The following DLC1 variants were observed in gnomAD, a reference collection of about 807,000 sequenced individuals.
The protein encoded by DLC1 is rho GTPase-activating protein 7.
Under a neutral mutation model 140.3 loss-of-function variants are expected in DLC1, and 54 were observed. The observed-to-expected ratio is 0.38, with a 90% CI of 0.31 to 0.48. The LOEUF is 0.48. Ranked by LOEUF, DLC1 falls within the 20% of genes least tolerant of loss-of-function variation. The pLI, the probability that DLC1 is intolerant of heterozygous loss-of-function variation, is 0.96. For synonymous variants in DLC1, 986 were observed against 728.1 expected (o/e 1.35, Z -5.70); for missense variants, 2,536 against 1,907.0 (o/e 1.33, Z -6.14).
chr8:13,554,782 T>A (rs1455778235), intron 1 of DLC1, among the ~76,000 whole-genome samples: 1 of 152,172 alleles, frequency 6.6e-6, no homozygotes, highest in Admixed American at 6.5e-5. Context: ...ACCTCCCCAC[T>A]CACAATCTGA....
At chr8:13,587,966 C>T (rs1416882632) in intron 1 of DLC1, among the ~76,000 whole-genome samples, 1 of 152,048 alleles carries the variant, frequency 6.6e-6, no homozygotes, top group Non-Finnish European at 1.5e-5. Context: ...TCTTGGATAA[C>T]ATCACTCCTA....
intron 4 of DLC1, among the ~76,000 whole-genome samples, chr8:13,334,905 T>C (rs934813994): frequency 4.6e-5 from 7 of 152,240 alleles, no homozygotes; most frequent in African/African-American, 1.7e-4. Context: ...AGCTCATTTA[T>C]GCCTCTTAAC....
intron 4 of DLC1, among the ~76,000 whole-genome samples, chr8:13,388,122 T>C (rs1721987519): frequency 6.6e-6 from 1 of 152,096 alleles, no homozygotes; most frequent in Admixed American, 6.6e-5. Context: ...TAAGAATTGT[T>C]TTTCCTAATC....
chr8:13,332,103 G>A (rs1404836842), intron 4 of DLC1, among the ~76,000 whole-genome samples: 1 of 152,110 alleles, frequency 6.6e-6, no homozygotes, highest in African/African-American at 2.4e-5. Context: ...ACCTTGATTG[G>A]ACATGGAATG....
At chr8:13,124,017 T>C (rs1221731735) in intron 5 of DLC1, among the ~76,000 whole-genome samples, 2 of 152,208 alleles carry the variant, frequency 1.3e-5, no homozygotes, top group Non-Finnish European at 2.9e-5. Flanking sequence ...TATGTAACTA[T>C]TATAAAAGAA....
At chr8:13,396,339 G>A (rs937169033) in intron 3 of DLC1, among the ~76,000 whole-genome samples, 5 of 152,090 alleles carry the variant, frequency 3.3e-5, no homozygotes, top group Admixed American at 6.5e-5. Context: ...GATTACAGAC[G>A]TGAGCTGCTG....
intron 5 of DLC1, among the ~76,000 whole-genome samples, chr8:13,179,162 A>G (rs1217976627): frequency 6.6e-6 from 1 of 152,118 alleles, no homozygotes; most frequent in Non-Finnish European, 1.5e-5. Flanking sequence ...GAGGGAATAC[A>G]GATGCAAAAT....
chr8:13,210,825 C>T (rs1462799814), intron 5 of DLC1, among the ~76,000 whole-genome samples: 1 of 152,130 alleles, frequency 6.6e-6, no homozygotes, highest in Non-Finnish European at 1.5e-5. Context: ...ACAGCATTTG[C>T]TATTCTTGCC....
intron 5 of DLC1, among the ~76,000 whole-genome samples, chr8:13,225,453 C>T (rs1405439270): frequency 6.6e-6 from 1 of 152,090 alleles, no homozygotes; most frequent in African/African-American, 2.4e-5. Context: ...TCTTTCTGAC[C>T]TCACAGCTGG....
At chr8:13,206,773 G>C (rs1308793499) in intron 5 of DLC1, among the ~76,000 whole-genome samples, 1 of 151,952 alleles carries the variant, frequency 6.6e-6, no homozygotes, top group Non-Finnish European at 1.5e-5. Flanking sequence ...ATGAGGTAGG[G>C]AGTGGCCACA....
At chr8:13,333,898 C>T (rs1340160987) in intron 4 of DLC1, among the ~76,000 whole-genome samples, 1 of 152,182 alleles carries the variant, frequency 6.6e-6, no homozygotes, top group Non-Finnish European at 1.5e-5. Context: ...AGTGTCTTCT[C>T]TGTGTGCCAG....
At chr8:13,140,240 A>G (rs182107938) in intron 5 of DLC1, among the ~76,000 whole-genome samples, 1 of 152,078 alleles carries the variant, frequency 6.6e-6, no homozygotes, top group Admixed American at 6.6e-5. Context: ...ATATCTATCT[A>G]TATATTTTTC....
chr8:13,435,829 C>T lies in DLC1; in HGVS notation c.1024-34210G>A, dbSNP rs553840626. Among the ~76,000 whole-genome samples, 7 of 152,236 alleles carry T rather than the reference C, an allele frequency of 4.6e-5. 1 individual carries two copies. Among genetic ancestry groups the T allele is most frequent in the African/African-American group, 1.7e-4 (7 of 41,544 alleles). ...AACAGCACTGCAAGCTACAGAGAAG[C>T]GTTTTGTGAAAGGAAGAGTCTATCA... On this transcript the variant is annotated intron_variant, in intron 2 of 17. Transcript: ENST00000276297.
chr8:13,132,655 C>G (rs1822207559), intron 5 of DLC1, among the ~76,000 whole-genome samples: 1 of 152,170 alleles, frequency 6.6e-6, no homozygotes, highest in African/African-American at 2.4e-5. Context: ...ACCAGGGCTT[C>G]CCTTCACGGG....
chr8:13,285,922 G>T (rs1831521048), intron 5 of DLC1, among the ~76,000 whole-genome samples: 1 of 152,180 alleles, frequency 6.6e-6, no homozygotes, highest in Non-Finnish European at 1.5e-5. Context: ...TGGGGTGAAT[G>T]TGGGATGAGA....
chr8:13,401,357 G>A, intron 3 of DLC1, 113 bp downstream of exon 3: 3 of 1,345,732 alleles, frequency 2.2e-6, no homozygotes, highest in East Asian at 4.9e-5. Flanking sequence ...TACTGTACTG[G>A]GGTTACATGT....
At chr8:13,487,975 A>C (rs774254093) in intron 2 of DLC1, among the ~76,000 whole-genome samples, 5 of 152,218 alleles carry the variant, frequency 3.3e-5, no homozygotes, top group African/African-American at 4.8e-5. Flanking sequence ...TCTGACTAAA[A>C]TACCTTTGGG....
Position 13,191,926 on chromosome 8 carries a change from G to GATTATTATTATTATT in DLC1, c.1349-76284_1349-76270dup, listed in dbSNP as rs143940185. 6.2e-3 allele frequency among the ~76,000 whole-genome samples: 886 copies of GATTATTATTATTATT among 141,920 alleles called. 10 individuals are homozygous for GATTATTATTATTATT. Among genetic ancestry groups the GATTATTATTATTATT allele is most frequent in the South Asian group, 9.5e-3 (41 of 4,308 alleles). The allele number at this position is 141,920 out of a possible 152,430, so 93.1% of individuals were successfully genotyped here. A position where few individuals can be genotyped will look rare whatever the true frequency, so the allele number is the denominator to read the frequency against. Reference sequence around the variant, plus strand: ...AACTCTGCTTTAAGGGGAGTGGCCTGATTATTATTATTATTATTATTATTA... The same window carrying GATTATTATTATTATT: ...AACTCTGCTTTAAGGGGAGTGGCCTGATTATTATTATTATTATTATTATTATTATTATTATTATTA... On this transcript the variant is annotated intron_variant, in intron 5 of 17. Coordinates refer to ENST00000276297, the MANE Select transcript of DLC1 (RefSeq NM_182643.3).
intron 2 of DLC1, among the ~76,000 whole-genome samples, chr8:13,459,030 T>C (rs1477023115): frequency 6.6e-6 from 1 of 152,222 alleles, no homozygotes; most frequent in Non-Finnish European, 1.5e-5. Context: ...CATCAATCTA[T>C]TTCTTGCATC....
Sources: gnomAD v4.1 joint callset for allele counts (sites outside exome capture counted in the v4.1 genomes callset) on GRCh38, gnomAD v4.1.1 for gene constraint, MANE v1.5 for transcripts, NCBI Gene and HGNC (gene_info 2026-07-23, HGNC 2026-07-21) for gene names.